The following GPR37L1 variants were observed in gnomAD, a reference collection of about 807,000 sequenced individuals.
The protein encoded by GPR37L1 is G protein-coupled receptor 37 like 1.
Under a neutral mutation model 18.0 loss-of-function variants are expected in GPR37L1, and 18 were observed. That is an observed-to-expected ratio of 1.00 (90% CI 0.69 to 1.49). The LOEUF is 1.49. Among genes scored for constraint, GPR37L1 ranks in the 40% most tolerant of loss-of-function variants. GPR37L1 has a pLI of 0.00. For missense variants in GPR37L1, 558 were observed against 615.1 expected (o/e 0.91, Z 0.98); for synonymous variants, 256 against 273.9 (o/e 0.93, Z 0.65).
In GPR37L1 at chr1:202,122,985, G is replaced by C; in HGVS notation, c.22G>C (p.Ala8Pro). Residue 8 changes from alanine to proline, a missense_variant, in exon 1 of 2, where the codon GCT becomes CCT. Coordinates refer to ENST00000367282, the MANE Select transcript of GPR37L1 (RefSeq NM_004767.5). ...AGCCATGCGGTGGCTGTGGCCCCTG[G>C]CTGTCTCTCTTGCTGTGATTTTGGC... MRWLWPLAVSLAVILAVG... is the reference protein window; with the variant it reads MRWLWPLPVSLAVILAVG... The C allele has an allele frequency of 6.2e-7, 1 of 1,613,048 alleles. No individual in the cohort carries two copies. Among genetic ancestry groups the C allele is most frequent in the East Asian group, 2.2e-5 (1 of 44,886 alleles).
In GPR37L1 at chr1:202,128,152, A is replaced by G; in HGVS notation, c.1042A>G (p.Ser348Gly). The change falls in exon 2 of 2, where the codon AGC becomes GGC. Residue 348 changes from serine (S) to glycine (G), a missense_variant. Coordinates refer to ENST00000367282, the MANE Select transcript of GPR37L1 (RefSeq NM_004767.5). ...PPGRKSECRA[S>G]KHEQCESQLN... ...AGGGAGGAAGTCAGAGTGCAGGGCC[A>G]GCAAGCACGAGCAGTGTGAGAGCCA... The G allele has an allele frequency of 2.5e-6, 4 of 1,614,036 alleles. No homozygotes were observed. Among genetic ancestry groups the G allele is most frequent in the Non-Finnish European group, 2.5e-6 (3 of 1,180,016 alleles).
At position 202,128,190 on chromosome 1, in the gene GPR37L1, C is replaced by G. The variant is rs200537062; in HGVS notation, c.1080C>G (p.Thr360=). 3.1e-6 allele frequency: 5 copies of G among 1,613,960 alleles called. No homozygotes were observed. The highest frequency in any genetic ancestry group is 4.2e-6 in the Non-Finnish European group (5 of 1,179,996). Residue 360 remains threonine (T), a synonymous_variant, in exon 2 of 2, where the codon ACC becomes ACG. Coordinates refer to ENST00000367282, the MANE Select transcript of GPR37L1 (RefSeq NM_004767.5). ...HEQCESQLNS[T]VVGLTVVYAF... ...AGTGTGAGAGCCAGCTCAACAGCAC[C>G]GTGGTGGGCCTGACCGTGGTCTACG...
At position 202,128,638 on chromosome 1, in the gene GPR37L1, G is replaced by T; in HGVS notation, c.*82G>T. 1.2e-6 allele frequency: 1 copy of T among 858,172 alleles called. No homozygotes were observed. Among genetic ancestry groups the T allele is most frequent in the Non-Finnish European group, 1.8e-6 (1 of 555,002 alleles). The allele number at this position is 858,172 out of a possible 1,614,324, so 53.2% of individuals were successfully genotyped here. On this transcript the variant is annotated 3_prime_UTR_variant, in exon 2 of 2. Transcript: ENST00000367282. ...GTTCTTTCCCCATAGGTCTTGCTTT[G>T]TTGCCTGTCTTGCTGTCTAGGGATG...
In GPR37L1 at chr1:202,128,508, C is replaced by T. The variant is rs1654742307; in HGVS notation, c.1398C>T (p.His466=). ...AGGTGTCCTCTTCCATCTACTTCCACAAGCCCAGGGAGTCACCCCCACTCC... is the reference window on the plus strand; with the variant it reads ...AGGTGTCCTCTTCCATCTACTTCCATAAGCCCAGGGAGTCACCCCCACTCC... ...KTEVSSSIYF[H]KPRESPPLLP... The change falls in exon 2 of 2, where the codon CAC becomes CAT. Residue 466 remains histidine (H), a synonymous_variant. Coordinates refer to ENST00000367282, the MANE Select transcript of GPR37L1 (RefSeq NM_004767.5). The T allele has an allele frequency of 6.2e-7, 1 of 1,601,442 alleles. No individual in the cohort carries two copies.
intron 1 of GPR37L1, among the ~76,000 whole-genome samples, chr1:202,124,394 CT>C (rs1203440607): frequency 6.6e-6 from 1 of 152,172 alleles, no homozygotes; most frequent in Non-Finnish European, 1.5e-5. Context: ...TTTCACAGTT[CT>C]AAAGTATACC....
Position 202,128,461 on chromosome 1 carries a change from T to A in GPR37L1, c.1351T>A (p.Ser451Thr), listed in dbSNP as rs761751995. Residue 451 changes from serine (S) to threonine (T), a missense_variant, in exon 2 of 2, where the codon TCG (serine) becomes ACG (threonine). Coordinates refer to ENST00000367282, the MANE Select transcript of GPR37L1 (RefSeq NM_004767.5). The stretch of plus-strand genomic sequence containing the variant: ...TTCGGAGGCCTCTGCTGCCAATGGG[T>A]CGGACAACAAGCTCAAGACCGAGGT... ...GASEASAANG[S>T]DNKLKTEVSS... is the part of the protein sequence containing the mutation. 6.2e-7 allele frequency: 1 copy of A among 1,609,676 alleles called. No homozygotes were observed. Among genetic ancestry groups the A allele is most frequent in the South Asian group, 1.1e-5 (1 of 90,542 alleles).
chr1:202,128,758 T>C lies in GPR37L1; in HGVS notation c.*202T>C. 1 of 545,258 alleles carries C rather than the reference T, an allele frequency of 1.8e-6. No individual in the cohort carries two copies. Among genetic ancestry groups the C allele is most frequent in the South Asian group, 2.7e-5 (1 of 37,076 alleles). The allele number at this position is 545,258 out of a possible 1,614,324, so 33.8% of individuals were successfully genotyped here. A position where few individuals can be genotyped will look rare whatever the true frequency, so the allele number is the denominator to read the frequency against. ...TTGTGGGGCCTTCCAACCCTGTCCTTTCCACTGGTGGGCGGTGATGCTTCT... is the reference window on the plus strand; with the variant it reads ...TTGTGGGGCCTTCCAACCCTGTCCTCTCCACTGGTGGGCGGTGATGCTTCT... On this transcript the variant is annotated 3_prime_UTR_variant, in exon 2 of 2. Transcript: ENST00000367282.
chr1:202,127,962 C>T lies in GPR37L1; in HGVS notation c.852C>T (p.Asp284=). 1 of 1,614,072 alleles carries T rather than the reference C, an allele frequency of 6.2e-7. No individual in the cohort carries two copies. Reference sequence around the variant, plus strand: ...CTGCCCCCACCATGGGCACCCTGGACTCATGCATCATGAAACCCTCAGCCA... The same window carrying T: ...CTGCCCCCACCATGGGCACCCTGGATTCATGCATCATGAAACCCTCAGCCA... ...QEPAPTMGTL[D]SCIMKPSASL... The change falls in exon 2 of 2, where the codon GAC becomes GAT. Residue 284 remains aspartate (D), a synonymous_variant. Transcript: ENST00000367282.
rs1491555659 is a variant in GPR37L1 at position 202,130,245 on chromosome 1, CCT to C, written c.*1690_*1691del. ...CTCAGCTTTCCTCAGAACCACCCCC[CCT>C]GTCTGAAGCTCTGTCCTGGGTCCCA... On this transcript the variant is annotated 3_prime_UTR_variant, in exon 2 of 2. Transcript: ENST00000367282. 6.6e-6 allele frequency: 1 copy of C among 152,538 alleles called. No individual in the cohort carries two copies. Among genetic ancestry groups the C allele is most frequent in the African/African-American group, 2.4e-5 (1 of 41,456 alleles). The allele number at this position is 152,538 out of a possible 1,614,324, so 9.4% of individuals were successfully genotyped here. A position where few individuals can be genotyped will look rare whatever the true frequency, so the allele number is the denominator to read the frequency against.
chr1:202,123,807 C>T (rs183348633), intron 1 of GPR37L1, among the ~76,000 whole-genome samples: 25 of 152,192 alleles, frequency 1.6e-4, no homozygotes, highest in East Asian at 7.8e-4. Flanking sequence ...GGGGGACAGG[C>T]GGGTGTGTGG....
intron 1 of GPR37L1, among the ~76,000 whole-genome samples, chr1:202,125,369 A>G (rs2147804718): frequency 6.6e-6 from 1 of 152,204 alleles, no homozygotes; most frequent in East Asian, 1.9e-4. Flanking sequence ...CCTCATTGGT[A>G]AATTGGGGAT....
In GPR37L1 at chr1:202,132,754, A is replaced by C. The variant is rs1303489500; in HGVS notation, c.*4198A>C. The C allele has an allele frequency of 6.6e-6, 1 of 152,540 alleles. No individual in the cohort carries two copies. Among genetic ancestry groups the C allele is most frequent in the East Asian group, 1.9e-4 (1 of 5,186 alleles). The allele number at this position is 152,540 out of a possible 1,614,324, so 9.4% of individuals were successfully genotyped here. ...AGGCTCTGAGGCAGCAGCTGTGAGC[A>C]GTGCCGAGGGAGGACCAGCTCTGAC... On this transcript the variant is annotated 3_prime_UTR_variant, in exon 2 of 2. Coordinates refer to ENST00000367282, the MANE Select transcript of GPR37L1 (RefSeq NM_004767.5).
Position 202,127,983 on chromosome 1 carries a change from A to G in GPR37L1, c.873A>G (p.Ser291=). The change falls in exon 2 of 2, where the codon TCA becomes TCG. Residue 291 remains serine (S), a synonymous_variant. Transcript: ENST00000367282. Reference sequence around the variant, plus strand: ...TGGACTCATGCATCATGAAACCCTCAGCCAGCCTGCCCGAGTCCCTGTATT... The same window carrying G: ...TGGACTCATGCATCATGAAACCCTCGGCCAGCCTGCCCGAGTCCCTGTATT... ...GTLDSCIMKP[S]ASLPESLYSL... 6.2e-7 allele frequency: 1 copy of G among 1,614,042 alleles called. No individual in the cohort carries two copies. Among genetic ancestry groups the G allele is most frequent in the Non-Finnish European group, 8.5e-7 (1 of 1,179,988 alleles).
rs766487840 is a variant in GPR37L1 at position 202,123,257 on chromosome 1, T to G, written c.294T>G (p.Ser98Arg). Residue 98 changes from serine (S) to arginine (R), a missense_variant, in exon 1 of 2, where the codon AGT (serine) becomes AGG (arginine). Physicochemically the swap from Ser to Arg is moderately radical, Grantham distance 110. Transcript: ENST00000367282. ...NPGKDGGTPD[S>R]GQELRGNLTG... ...GCAAGGATGGGGGCACCCCAGACAGTGGGCAGGAACTGAGGGGCAATCTGA... is the reference window on the plus strand; with the variant it reads ...GCAAGGATGGGGGCACCCCAGACAGGGGGCAGGAACTGAGGGGCAATCTGA... 1.2e-6 allele frequency: 2 copies of G among 1,613,904 alleles called. No homozygotes were observed. The highest frequency in any genetic ancestry group is 1.7e-6 in the Non-Finnish European group (2 of 1,179,914).
rs958839579 is a variant in GPR37L1 at position 202,133,153 on chromosome 1, A to G, written c.*4597A>G. 6.6e-6 allele frequency: 1 copy of G among 152,310 alleles called. No individual in the cohort carries two copies. The highest frequency in any genetic ancestry group is 1.5e-5 in the Non-Finnish European group (1 of 68,098). 9.4% of individuals were successfully genotyped at this position (152,310 alleles called of 1,614,324 possible). A position where few individuals can be genotyped will look rare whatever the true frequency, so the allele number is the denominator to read the frequency against. On this transcript the variant is annotated 3_prime_UTR_variant, in exon 2 of 2. Coordinates refer to ENST00000367282, the MANE Select transcript of GPR37L1 (RefSeq NM_004767.5). Reference sequence around the variant, plus strand: ...CCCTCAACAGAGCTCTGCAGCCCCAAGTGGCAGCTGCTGGCTCAAAGCTGG... The same window carrying G: ...CCCTCAACAGAGCTCTGCAGCCCCAGGTGGCAGCTGCTGGCTCAAAGCTGG...
At chr1:202,126,545 G>A (rs1436735246) in intron 1 of GPR37L1, among the ~76,000 whole-genome samples, 1 of 152,214 alleles carries the variant, frequency 6.6e-6, no homozygotes, top group African/African-American at 2.4e-5. Flanking sequence ...GCTGGGGATT[G>A]TGTTCCCCCA....
In GPR37L1 at chr1:202,130,137, C is replaced by T. The variant is rs1654797571; in HGVS notation, c.*1581C>T. The T allele has an allele frequency of 6.6e-6, 1 of 152,292 alleles. No homozygotes were observed. The highest frequency in any genetic ancestry group is 2.1e-4 in the South Asian group (1 of 4,824). The allele number at this position is 152,292 out of a possible 1,614,324, so 9.4% of individuals were successfully genotyped here. ...GGTCCCTTCCAGAGGGCACCCTTAG[C>T]CTTGTAGGTCCCTGGGAAGCTGGCA... On this transcript the variant is annotated 3_prime_UTR_variant, in exon 2 of 2. Transcript: ENST00000367282.
Position 202,130,511 on chromosome 1 carries a change from TGCC to T in GPR37L1, c.*1959_*1961del, listed in dbSNP as rs1177327709. The T allele has an allele frequency of 6.6e-6, 1 of 152,302 alleles. No individual in the cohort carries two copies. The highest frequency in any genetic ancestry group is 1.5e-5 in the Non-Finnish European group (1 of 68,118). The allele number at this position is 152,302 out of a possible 1,614,324, so 9.4% of individuals were successfully genotyped here. ...TGGCACCCACCCCCAGGGCGGGTGATGCCGCCAAGAGAGAGGGAGGCCGTTGCT... is the reference window on the plus strand; with the variant it reads ...TGGCACCCACCCCCAGGGCGGGTGATGCCAAGAGAGAGGGAGGCCGTTGCT... On this transcript the variant is annotated 3_prime_UTR_variant, in exon 2 of 2. Transcript: ENST00000367282.
Position 202,128,558 on chromosome 1 carries a change from G to C in GPR37L1, c.*2G>C. The C allele has an allele frequency of 7.0e-7, 1 of 1,432,540 alleles. No individual in the cohort carries two copies. Among genetic ancestry groups the C allele is most frequent in the South Asian group, 1.3e-5 (1 of 76,872 alleles). 88.7% of individuals were successfully genotyped at this position (1,432,540 alleles called of 1,614,324 possible). A position where few individuals can be genotyped will look rare whatever the true frequency, so the allele number is the denominator to read the frequency against. The stretch of plus-strand genomic sequence containing the variant: ...CTGCCCCTGGGCACACCTTGCTGAG[G>C]CCCCAGTAGGGGTGGGGAGGGAGGG... On this transcript the variant is annotated 3_prime_UTR_variant, in exon 2 of 2. Coordinates refer to ENST00000367282, the MANE Select transcript of GPR37L1 (RefSeq NM_004767.5).
Sources: gnomAD v4.1 joint callset for allele counts (sites outside exome capture counted in the v4.1 genomes callset) on GRCh38, gnomAD v4.1.1 for gene constraint, MANE v1.5 for transcripts, NCBI Gene and HGNC (gene_info 2026-07-23, HGNC 2026-07-21) for gene names.